NUP214: variants seen among roughly 807,000 people sequenced by gnomAD.
NUP214 encodes the protein nucleoporin 214.
NUP214 carries 79 observed loss-of-function variants against 196.2 expected under a neutral mutation model. The observed-to-expected ratio is 0.40, with a 90% CI of 0.34 to 0.49. The LOEUF (loss-of-function observed/expected upper bound fraction) is 0.49, where lower values mean the gene tolerates loss of function less well. Among genes scored for constraint, NUP214 ranks in the 20% least tolerant of loss-of-function variants. NUP214 has a pLI of 0.58. For missense variants in NUP214, 2,468 were observed against 2,539.0 expected (o/e 0.97, Z 0.60); for synonymous variants, 1,020 against 990.5 (o/e 1.03, Z -0.56).
intron 7 of NUP214, 95 bp downstream of exon 7, chr9:131,133,304 G>GTT (rs751108620): frequency 0.028 from 11,508 of 415,734 alleles, 4 homozygotes; most frequent in East Asian, 0.053. Context: ...TTGTGTTTGT[G>GTT]TTTTTTTTTT....
At chr9:131,132,497 G>T in intron 5 of NUP214, 99 bp from the exon 6 acceptor site, 1 of 1,014,440 alleles carries the variant, frequency 9.9e-7, no homozygotes, top group Admixed American at 1.8e-5. Context: ...CAAGGAGATG[G>T]AACAGGTAGC....
chr9:131,156,378 C>T (rs866916469), intron 17 of NUP214, among the ~76,000 whole-genome samples: 44 of 151,930 alleles, frequency 2.9e-4, no homozygotes, highest in Middle Eastern at 6.8e-3. Context: ...ATGATCCACC[C>T]GCCTAGGCCT....
At chr9:131,165,817 A>G (rs1225798902) in intron 21 of NUP214, among the ~76,000 whole-genome samples, 2 of 152,250 alleles carry the variant, frequency 1.3e-5, no homozygotes, top group East Asian at 1.9e-4. Flanking sequence ...ATGTTACAAT[A>G]TAAGTGAACC....
intron 30 of NUP214, among the ~76,000 whole-genome samples, 187 bp from the exon 31 acceptor site, chr9:131,215,025 C>T (rs573019362): frequency 1.8e-4 from 28 of 152,288 alleles, no homozygotes; most frequent in Admixed American, 5.9e-4. Flanking sequence ...AGCTTGAGAA[C>T]TTCTCATAGA....
intron 28 of NUP214, among the ~76,000 whole-genome samples, chr9:131,196,886 C>T (rs1383690447): frequency 6.6e-6 from 1 of 152,190 alleles, no homozygotes; most frequent in Non-Finnish European, 1.5e-5. Context: ...TTAAGGAAAG[C>T]ACACAGCTAG....
At chr9:131,164,312 A>G (rs1400202979) in intron 21 of NUP214, 168 bp downstream of exon 21, 1 of 617,220 alleles carries the variant, frequency 1.6e-6, no homozygotes, top group Non-Finnish European at 2.9e-6. Flanking sequence ...TGTCTCCAGA[A>G]TCTGTTGTTA....
At chr9:131,134,060 C>A (rs1831641918) in intron 7 of NUP214, among the ~76,000 whole-genome samples, 1 of 152,210 alleles carries the variant, frequency 6.6e-6, no homozygotes, top group Non-Finnish European at 1.5e-5. Flanking sequence ...CATCCTCCTG[C>A]CTCAGCCTCC....
chr9:131,145,283 C>T (rs1374752484), intron 12 of NUP214, among the ~76,000 whole-genome samples: 1 of 152,118 alleles, frequency 6.6e-6, no homozygotes, highest in Admixed American at 6.6e-5. Flanking sequence ...CTGGGTCGGG[C>T]AGCTCACTCA....
chr9:131,233,483 G>C lies in NUP214; in HGVS notation c.6269G>C (p.Ser2090Thr). ...GTCCAGGGTTTTGGTGGCTGGCGAA[G>C]CTGAGGGCGTGTCAGCAGGCCTTTC... Reference protein sequence around the residue: ...SSVQGFGGWRS With the variant: ...SSVQGFGGWRT The change falls in exon 36 of 36, where the codon AGC (serine) becomes ACC (threonine). Residue 2090 changes from serine (S) to threonine (T), a missense_variant. Physicochemically the swap from Ser to Thr is moderately conservative, Grantham distance 58. Transcript: ENST00000359428. 6.2e-7 allele frequency: 1 copy of C among 1,613,886 alleles called. No individual in the cohort carries two copies. The highest frequency in any genetic ancestry group is 8.5e-7 in the Non-Finnish European group (1 of 1,179,888).
intron 30 of NUP214, among the ~76,000 whole-genome samples, chr9:131,205,225 A>G (rs1834045411): frequency 6.6e-6 from 1 of 152,250 alleles, no homozygotes; most frequent in Admixed American, 6.5e-5. Flanking sequence ...GCCATTAAAT[A>G]GGAAAATTGT....
In NUP214 at chr9:131,175,335, C is replaced by T. The variant is rs1833083699; in HGVS notation, c.3158-125C>T. Reference sequence around the variant, plus strand: ...ATGCCAGCCTGTTAGTTTACTGGTACTTTTCTATGTTAACGCTAATTTTAG... The same window carrying T: ...ATGCCAGCCTGTTAGTTTACTGGTATTTTTCTATGTTAACGCTAATTTTAG... On this transcript the variant is annotated intron_variant, in intron 22 of 35. Coordinates refer to ENST00000359428, the MANE Select transcript of NUP214 (RefSeq NM_005085.4). 3 of 1,141,228 alleles carry T rather than the reference C, an allele frequency of 2.6e-6. No homozygotes were observed. The African/African-American group carries it at 4.7e-5, about 18-fold the overall frequency. The allele number at this position is 1,141,228 out of a possible 1,614,324, so 70.7% of individuals were successfully genotyped here. A position where few individuals can be genotyped will look rare whatever the true frequency, so the allele number is the denominator to read the frequency against.
intron 24 of NUP214, among the ~76,000 whole-genome samples, chr9:131,180,455 C>T (rs188316325): frequency 1.9e-3 from 286 of 152,162 alleles, no homozygotes; most frequent in Non-Finnish European, 3.5e-3. Flanking sequence ...AGCCAGCTCT[C>T]GTGGAACAGA....
Position 131,159,858 on chromosome 9 carries a change from C to CA in NUP214, c.2540+385dup, listed in dbSNP as rs979999962. Among the ~76,000 whole-genome samples the CA allele has an allele frequency of 4.7e-3, 572 of 122,548 alleles. 1 individual carries two copies. The highest frequency in any genetic ancestry group is 0.01 in the African/African-American group (334 of 33,046). 80.4% of individuals were successfully genotyped at this position (122,548 alleles called of 152,430 possible). On this transcript the variant is annotated intron_variant, in intron 18 of 35. Coordinates refer to ENST00000359428, the MANE Select transcript of NUP214 (RefSeq NM_005085.4). ...GGCAACAAGAGCGAAATTCCCATCT[C>CA]AAAAAAAAAAAAACAAGAAAGAGAA...
rs527979336 is a variant in NUP214 at position 131,155,270 on chromosome 9, T to A, written c.2436+3376T>A. ...GATGTTAAGCATTTTTTTGGATGTT[T>A]GTCAACCATTTGTATATCTTTTAAG... On this transcript the variant is annotated intron_variant, in intron 17 of 35. Coordinates refer to ENST00000359428, the MANE Select transcript of NUP214 (RefSeq NM_005085.4). 3.3e-5 allele frequency among the ~76,000 whole-genome samples: 5 copies of A among 152,376 alleles called. No individual in the cohort carries two copies. In the East Asian group the frequency reaches 9.6e-4, roughly 29 times the overall value.
chr9:131,218,695 G>A (rs754406663), intron 31 of NUP214, among the ~76,000 whole-genome samples: 15 of 151,856 alleles, frequency 9.9e-5, no homozygotes, highest in Non-Finnish European at 1.6e-4. Flanking sequence ...TGCCAAACCC[G>A]AGTCTTAAGA....
At chr9:131,187,088 G>T in intron 24 of NUP214, 1 of 559,596 alleles carries the variant, frequency 1.8e-6, no homozygotes, top group Non-Finnish European at 3.2e-6. Flanking sequence ...CCACTGCTTT[G>T]ACTTTCATGC....
At chr9:131,140,858 A>T (rs1157379392) in intron 11 of NUP214, 148 bp downstream of exon 11, 13 of 700,936 alleles carry the variant, frequency 1.9e-5, no homozygotes. Flanking sequence ...TCTTTTTTTT[A>T]AACATGCATG....
At chr9:131,162,901 G>A (rs1832682199) in intron 18 of NUP214, 90 bp from the exon 19 acceptor site, 13 of 1,210,318 alleles carry the variant, frequency 1.1e-5, no homozygotes, top group Non-Finnish European at 1.6e-5. Flanking sequence ...CATTTTCACT[G>A]TTACCATTGT....
intron 18 of NUP214, 135 bp from the exon 19 acceptor site, chr9:131,162,856 A>T: frequency 1.3e-6 from 1 of 788,244 alleles, no homozygotes. Context: ...GTAATTTCTT[A>T]ATGGTTCTTG....
Sources: gnomAD v4.1 joint callset for allele counts (sites outside exome capture counted in the v4.1 genomes callset) on GRCh38, gnomAD v4.1.1 for gene constraint, MANE v1.5 for transcripts, NCBI Gene and HGNC (gene_info 2026-07-23, HGNC 2026-07-21) for gene names.